KCNH7: variants seen among roughly 807,000 people sequenced by gnomAD.
KCNH7 encodes the protein potassium voltage-gated channel subfamily H member 7, also known as voltage-gated inwardly rectifying potassium channel KCNH7.
KCNH7 carries 49 observed loss-of-function variants against 120.8 expected under a neutral mutation model. The observed-to-expected ratio is 0.41, with a 90% CI of 0.32 to 0.51. The LOEUF is 0.51. Ranked by LOEUF, KCNH7 falls within the 20% of genes least tolerant of loss-of-function variation. The pLI is 0.38. For missense variants in KCNH7, 1,097 were observed against 1,446.6 expected (o/e 0.76, Z 3.92); for synonymous variants, 547 against 516.1 (o/e 1.06, Z -0.81).
intron 8 of KCNH7, among the ~76,000 whole-genome samples, chr2:162,430,570 T>C (rs1688030144): frequency 6.6e-6 from 1 of 152,084 alleles, no homozygotes; most frequent in Non-Finnish European, 1.5e-5. Flanking sequence ...AAAGCCAAGA[T>C]AACACGTGGC....
At chr2:162,827,078 A>T (rs1022137804) in intron 2 of KCNH7, among the ~76,000 whole-genome samples, 1 of 152,042 alleles carries the variant, frequency 6.6e-6, no homozygotes, top group Non-Finnish European at 1.5e-5. Flanking sequence ...AGCTCAGGGA[A>T]ATAAGATAGT....
intron 2 of KCNH7, among the ~76,000 whole-genome samples, chr2:162,640,380 C>A (rs1201368483): frequency 6.6e-6 from 1 of 151,874 alleles, no homozygotes. Context: ...AACACAGTAC[C>A]TAGAAATAGA....
At chr2:162,536,714 T>G (rs1055134779) in intron 3 of KCNH7, among the ~76,000 whole-genome samples, 19 of 151,986 alleles carry the variant, frequency 1.3e-4, no homozygotes, top group African/African-American at 4.6e-4. Flanking sequence ...TTAAATACAT[T>G]ATATTATATC....
At chr2:162,607,289 C>T (rs1306309634) in intron 2 of KCNH7, among the ~76,000 whole-genome samples, 5 of 150,450 alleles carry the variant, frequency 3.3e-5, no homozygotes, top group Non-Finnish European at 7.4e-5. Context: ...ACTTGGGAGG[C>T]TGAGGCAGGA....
chr2:162,530,250 C>A (rs537419360), intron 3 of KCNH7, among the ~76,000 whole-genome samples: 1 of 152,080 alleles, frequency 6.6e-6, no homozygotes, highest in Admixed American at 6.6e-5. Flanking sequence ...TATTTCCCTC[C>A]TTTTCTTTTA....
At chr2:162,568,789 T>A (rs946815940) in intron 2 of KCNH7, among the ~76,000 whole-genome samples, 1 of 152,052 alleles carries the variant, frequency 6.6e-6, no homozygotes, top group Admixed American at 6.6e-5. Context: ...AGTAACTTCA[T>A]ATTTTTTCTC....
Position 162,400,171 on chromosome 2 carries a change from C to G in KCNH7, c.2407+18G>C, listed in dbSNP as rs934107690. ...GCTAATAACTGAATCTGTCACCATG[C>G]ACTTCTAAAACACTCACCCAGAATA... On this transcript the variant is annotated intron_variant, in intron 10 of 15. Transcript: ENST00000332142. The G allele has an allele frequency of 5.6e-6, 9 of 1,609,442 alleles. No homozygotes were observed. The highest frequency in any genetic ancestry group is 1.1e-5 in the South Asian group (1 of 90,708).
At chr2:162,409,000 T>C (rs775447158) in intron 9 of KCNH7, among the ~76,000 whole-genome samples, 2 of 151,678 alleles carry the variant, frequency 1.3e-5, no homozygotes, top group Non-Finnish European at 2.9e-5. Context: ...GCCTTCATTA[T>C]CAAAAATAAA....
At chr2:162,760,829 C>A (rs922347997) in intron 2 of KCNH7, among the ~76,000 whole-genome samples, 1 of 152,056 alleles carries the variant, frequency 6.6e-6, no homozygotes, top group African/African-American at 2.4e-5. Flanking sequence ...GTCTTTTGAA[C>A]AGCACACGTA....
Position 162,540,549 on chromosome 2 carries a change from T to C in KCNH7, c.308-3469A>G, listed in dbSNP as rs570235633. ...GCTTTAAAGGCGTTTTATTGTACTG[T>C]GTGTGGTTTGTGTTCACAGGGCATC... On this transcript the variant is annotated intron_variant, in intron 2 of 15. Coordinates refer to ENST00000332142, the MANE Select transcript of KCNH7 (RefSeq NM_033272.4). Among the ~76,000 whole-genome samples the C allele has an allele frequency of 2.0e-5, 3 of 152,200 alleles. No homozygotes were observed. In the South Asian group the frequency reaches 6.2e-4, roughly 32 times the overall value.
chr2:162,400,486 A>G lies in KCNH7; in HGVS notation c.2155-45T>C, dbSNP rs746679682. On this transcript the variant is annotated intron_variant, in intron 9 of 15. Coordinates refer to ENST00000332142, the MANE Select transcript of KCNH7 (RefSeq NM_033272.4). ...GTTTCATACTACCAGTGTTCTGGGT[A>G]TCTCTGCCTGAAATACAGTCAATTT... 1.7e-5 allele frequency: 27 copies of G among 1,595,138 alleles called. 1 individual carries two copies. The South Asian group carries it at 2.7e-4, about 16-fold the overall frequency.
chr2:162,438,122 T>C (rs1688307340), intron 7 of KCNH7, among the ~76,000 whole-genome samples: 2 of 152,218 alleles, frequency 1.3e-5, no homozygotes, highest in South Asian at 2.1e-4. Flanking sequence ...AAATGAAGTA[T>C]AATAAAAATT....
chr2:162,625,084 A>G (rs1241952098), intron 2 of KCNH7, among the ~76,000 whole-genome samples: 1 of 151,786 alleles, frequency 6.6e-6, no homozygotes, highest in Non-Finnish European at 1.5e-5. Flanking sequence ...TTTAGTAGAG[A>G]TGGGGTATTT....
chr2:162,828,336 T>C (rs957482985), intron 2 of KCNH7, among the ~76,000 whole-genome samples: 8 of 152,160 alleles, frequency 5.3e-5, no homozygotes, highest in African/African-American at 1.7e-4. Context: ...CACTAGTTTG[T>C]ATTTTAATTT....
intron 2 of KCNH7, among the ~76,000 whole-genome samples, chr2:162,591,987 G>C (rs775619054): frequency 2.4e-4 from 37 of 151,988 alleles, no homozygotes; most frequent in Non-Finnish European, 4.3e-4. Flanking sequence ...AAGTAATCAC[G>C]AAAGTCTCAT....
At chr2:162,712,516 G>A (rs758492910) in intron 2 of KCNH7, among the ~76,000 whole-genome samples, 6 of 152,042 alleles carry the variant, frequency 3.9e-5, no homozygotes, top group African/African-American at 7.2e-5. Flanking sequence ...ACAGTTATTC[G>A]TCTAAACTCA....
At position 162,371,592 on chromosome 2, in the gene KCNH7, A is replaced by G. The variant is rs1039536667; in HGVS notation, c.*237T>C. On this transcript the variant is annotated 3_prime_UTR_variant, in exon 16 of 16. Coordinates refer to ENST00000332142, the MANE Select transcript of KCNH7 (RefSeq NM_033272.4). ...GTGATTTAAAAAATAAAAATAAAAA[A>G]TAAGGTGCCGTGAGATGCTGGCAGT... The G allele has an allele frequency of 6.4e-5, 56 of 873,788 alleles. No homozygotes were observed. Among genetic ancestry groups the G allele is most frequent in the African/African-American group, 5.4e-4 (32 of 59,226 alleles). The allele number at this position is 873,788 out of a possible 1,614,324, so 54.1% of individuals were successfully genotyped here.
chr2:162,797,029 C>A (rs1684171454), intron 2 of KCNH7: 1 of 151,958 alleles, frequency 6.6e-6, no homozygotes, highest in African/African-American at 2.4e-5. Context: ...AGAAGAAGTA[C>A]AATCTGGTTG....
At chr2:162,838,364 C>T (rs748562416) in intron 1 of KCNH7, 79 bp downstream of exon 1, 127 of 1,237,740 alleles carry the variant, frequency 1.0e-4, no homozygotes, top group Admixed American at 5.8e-4. Context: ...TGCCGGTCTC[C>T]CCACCTTGGA....
Sources: allele counts gnomAD v4.1 joint callset (sites outside exome capture counted in the v4.1 genomes callset), GRCh38; gene constraint gnomAD v4.1.1; transcripts MANE v1.5; gene names NCBI Gene and HGNC (gene_info 2026-07-23, HGNC 2026-07-21).